The following NARS2 variants were observed in gnomAD, a reference collection of about 807,000 sequenced individuals.
The protein encoded by NARS2 is asparaginyl-tRNA synthetase.
NARS2 carries 60 observed loss-of-function variants against 62.9 expected under a neutral mutation model. The ratio of observed to expected loss-of-function variants is 0.95; its 90% CI spans 0.77 to 1.18. The LOEUF (loss-of-function observed/expected upper bound fraction) is 1.18, where lower values mean the gene tolerates loss of function less well. Among genes scored for constraint, NARS2 ranks in the 50% most tolerant of loss-of-function variants. The pLI is 0.00. For missense variants in NARS2, 619 were observed against 576.4 expected, an observed-to-expected ratio of 1.07 and a Z score of -0.76; for synonymous variants, 196 against 200.0, an observed-to-expected ratio of 0.98 and a Z score of 0.17.
intron 6 of NARS2, among the ~76,000 whole-genome samples, chr11:78,525,294 A>G (rs1861256905): frequency 6.6e-6 from 1 of 151,674 alleles, no homozygotes. Flanking sequence ...TTGGAGGAAT[A>G]ATAATATGTC....
chr11:78,511,669 A>C (rs1484534120), intron 6 of NARS2, among the ~76,000 whole-genome samples: 2 of 151,952 alleles, frequency 1.3e-5, no homozygotes, highest in Non-Finnish European at 2.9e-5. Context: ...GTGAGCTGAG[A>C]TCGCCCCACT....
intron 7 of NARS2, among the ~76,000 whole-genome samples, chr11:78,480,961 G>C (rs1459335906): frequency 6.6e-6 from 1 of 151,970 alleles, no homozygotes; most frequent in Non-Finnish European, 1.5e-5. Context: ...TGGGATTACA[G>C]GGGTGTAGCA....
At chr11:78,555,040 G>A (rs1176105203) in intron 5 of NARS2, among the ~76,000 whole-genome samples, 1 of 152,178 alleles carries the variant, frequency 6.6e-6, no homozygotes, top group Admixed American at 6.5e-5. Flanking sequence ...CACTGTGATT[G>A]ATTTTTGTAT....
Position 78,574,338 on chromosome 11 carries a change from A to ATT in NARS2, c.141+8_141+9dup, listed in dbSNP as rs1268378543. The ATT allele has an allele frequency of 5.0e-6, 8 of 1,613,986 alleles. No homozygotes were observed. The highest frequency in any genetic ancestry group is 6.8e-6 in the Non-Finnish European group (8 of 1,180,014). Reference sequence around the variant, plus strand: ...ACAAGAAAAAACCCACTCCCTTCCCATTCACCAACCTGGATCTTAATGCGC... The same window carrying ATT: ...ACAAGAAAAAACCCACTCCCTTCCCATTTTCACCAACCTGGATCTTAATGCGC... On this transcript the variant is annotated intron_variant, in intron 1 of 13. Transcript: ENST00000281038.
chr11:78,530,843 C>A (rs77094667), intron 5 of NARS2, among the ~76,000 whole-genome samples: 1 of 152,176 alleles, frequency 6.6e-6, no homozygotes, highest in East Asian at 1.9e-4. Flanking sequence ...TTCTTTAATT[C>A]AACTTATTTA....
At chr11:78,544,805 A>AAAAAAAT (rs1855790308) in intron 5 of NARS2, among the ~76,000 whole-genome samples, 2 of 150,946 alleles carry the variant, frequency 1.3e-5, no homozygotes, top group African/African-American at 4.9e-5. Context: ...CAAAAAAAAA[A>AAAAAAAT]AAAAAAAAAA....
intron 5 of NARS2, among the ~76,000 whole-genome samples, chr11:78,555,591 TCTAG>T (rs1291657731): frequency 5.9e-5 from 9 of 152,162 alleles, no homozygotes; most frequent in Non-Finnish European, 1.3e-4. Flanking sequence ...TCCTAATTAG[TCTAG>T]CTGGTGGCCT....
chr11:78,528,966 A>G (rs1473380031), intron 5 of NARS2, 30 bp from the exon 6 acceptor site: 2 of 1,409,940 alleles, frequency 1.4e-6, no homozygotes, highest in Non-Finnish European at 2.0e-6. Context: ...GCCACAAAAA[A>G]CTATTAAATG....
chr11:78,565,849 C>T (rs548552957), intron 4 of NARS2, among the ~76,000 whole-genome samples: 3 of 152,310 alleles, frequency 2.0e-5, no homozygotes, highest in African/African-American at 7.2e-5. Context: ...CTGAGCACTG[C>T]TACAGACCTG....
At chr11:78,487,768 G>A (rs1859642132) in intron 7 of NARS2, among the ~76,000 whole-genome samples, 1 of 152,078 alleles carries the variant, frequency 6.6e-6, no homozygotes, top group East Asian at 1.9e-4. Context: ...AAACACTACA[G>A]AGGTCAAAAG....
intron 13 of NARS2, 119 bp from the exon 14 acceptor site, chr11:78,436,933 T>C: frequency 2.1e-6 from 2 of 936,560 alleles, no homozygotes; most frequent in Non-Finnish European, 3.3e-6. Flanking sequence ...CTCACTGTGA[T>C]AGACCAGTCT....
intron 6 of NARS2, among the ~76,000 whole-genome samples, chr11:78,509,635 G>T (rs180894491): frequency 6.6e-6 from 1 of 152,026 alleles, no homozygotes; most frequent in African/African-American, 2.4e-5. Flanking sequence ...GCATTTCAAA[G>T]ATTTATTCAT....
chr11:78,475,547 G>A (rs563868150), intron 9 of NARS2, among the ~76,000 whole-genome samples: 6 of 146,692 alleles, frequency 4.1e-5, no homozygotes, highest in Middle Eastern at 3.9e-3. Context: ...GTTCCCAAGC[G>A]CCACATCTTT....
intron 4 of NARS2, 94 bp downstream of exon 4, chr11:78,566,037 AC>A: frequency 1.9e-6 from 2 of 1,050,474 alleles, no homozygotes; most frequent in Non-Finnish European, 2.7e-6. Flanking sequence ...CCCATAACTA[AC>A]AGACATGTTA....
chr11:78,458,312 A>G (rs1858248419), intron 11 of NARS2, among the ~76,000 whole-genome samples: 1 of 152,334 alleles, frequency 6.6e-6, no homozygotes, highest in South Asian at 2.1e-4. Context: ...GGAAGAGACA[A>G]CTTCATACCT....
At chr11:78,479,642 T>C (rs1327997859) in intron 7 of NARS2, among the ~76,000 whole-genome samples, 5 of 152,252 alleles carry the variant, frequency 3.3e-5, no homozygotes, top group Non-Finnish European at 7.3e-5. Context: ...ACTAACATTC[T>C]TGGTTTTAAA....
At chr11:78,460,091 A>G (rs1858334400) in intron 11 of NARS2, among the ~76,000 whole-genome samples, 2 of 152,192 alleles carry the variant, frequency 1.3e-5, no homozygotes, top group Admixed American at 6.5e-5. Flanking sequence ...CTGAAGACAC[A>G]GAAGAAGGGT....
chr11:78,506,233 A>G lies in NARS2; in HGVS notation c.690-13038T>C, dbSNP rs2135373913. Among the ~76,000 whole-genome samples the G allele has an allele frequency of 2.0e-5, 3 of 152,356 alleles. No individual in the cohort carries two copies. In the South Asian group the frequency reaches 6.2e-4, roughly 32 times the overall value. On this transcript the variant is annotated intron_variant, in intron 6 of 13. Transcript: ENST00000281038. ...AAGACGTGGACCAACCGGCATCCTCATCCACTGCTAGCGGGCATGTAAATA... is the reference window on the plus strand; with the variant it reads ...AAGACGTGGACCAACCGGCATCCTCGTCCACTGCTAGCGGGCATGTAAATA...
intron 13 of NARS2, among the ~76,000 whole-genome samples, chr11:78,439,292 G>C (rs1172828879): frequency 6.6e-6 from 1 of 152,088 alleles, no homozygotes; most frequent in Non-Finnish European, 1.5e-5. Flanking sequence ...ACCTGCCTTG[G>C]CCTCCCAAAG....
Sources: gnomAD v4.1 joint callset for allele counts (sites outside exome capture counted in the v4.1 genomes callset) on GRCh38, gnomAD v4.1.1 for gene constraint, MANE v1.5 for transcripts, NCBI Gene and HGNC (gene_info 2026-07-23, HGNC 2026-07-21) for gene names.